The following LRP12 variants were observed in gnomAD, a reference collection of about 807,000 sequenced individuals.
LRP12 encodes low-density lipoprotein receptor-related protein 12.
Under a neutral mutation model 66.0 loss-of-function variants are expected in LRP12, and 14 were observed. The observed-to-expected ratio is 0.21, with a 90% CI of 0.14 to 0.33. The LOEUF (loss-of-function observed/expected upper bound fraction) is 0.33. Ranked by LOEUF, LRP12 falls within the 10% of genes least tolerant of loss-of-function variation. The probability of loss-of-function intolerance (pLI) is 1.00; values close to 1 mark genes in which losing one functional copy is unlikely to be tolerated. For synonymous variants in LRP12, 357 were observed against 359.1 expected, an observed-to-expected ratio of 0.99 and a Z score of 0.07; for missense variants, 889 against 1,053.4, an observed-to-expected ratio of 0.84 and a Z score of 2.16.
At chr8:104,559,118 G>C (rs1304919453) in intron 1 of LRP12, among the ~76,000 whole-genome samples, 1 of 152,140 alleles carries the variant, frequency 6.6e-6, no homozygotes, top group Non-Finnish European at 1.5e-5. Flanking sequence ...TATCTACCCA[G>C]AGGAAAAGAA....
intron 2 of LRP12, among the ~76,000 whole-genome samples, chr8:104,527,463 A>C (rs1217896931): frequency 5.3e-5 from 8 of 151,092 alleles, no homozygotes; most frequent in Admixed American, 1.3e-4. Flanking sequence ...CTGGATTAAG[A>C]AAATGTGGCA....
At chr8:104,498,243 G>C (rs1810769487) in intron 4 of LRP12, among the ~76,000 whole-genome samples, 167 bp from the exon 5 acceptor site, 2 of 152,322 alleles carry the variant, frequency 1.3e-5, no homozygotes, top group African/African-American at 4.8e-5. Flanking sequence ...TTAAGTTCCA[G>C]GGTACATGTG....
intron 1 of LRP12, among the ~76,000 whole-genome samples, chr8:104,549,916 C>T (rs911933806): frequency 6.6e-6 from 1 of 152,126 alleles, no homozygotes; most frequent in Admixed American, 6.5e-5. Flanking sequence ...CTTAGTAAAT[C>T]GCCTCTCTTT....
chr8:104,512,272 G>A (rs113234646), intron 2 of LRP12, among the ~76,000 whole-genome samples: 20 of 152,244 alleles, frequency 1.3e-4, no homozygotes, highest in African/African-American at 4.3e-4. Flanking sequence ...AGCTGAGATC[G>A]TGCCACTGCA....
Position 104,491,120 on chromosome 8 carries a change from C to T in LRP12, c.2133G>A (p.Val711=), listed in dbSNP as rs558486332. The T allele has an allele frequency of 1.2e-6, 2 of 1,614,132 alleles. No individual in the cohort carries two copies. Among genetic ancestry groups the T allele is most frequent in the South Asian group, 2.2e-5 (2 of 91,080 alleles). ...RGGHADNGRD[V]TSVEPPSVSP... Reference sequence around the variant, plus strand: ...TCACACTTGGGGGTTCCACACTTGTCACATCCCTTCCATTATCTGCATGAC... The same window carrying T: ...TCACACTTGGGGGTTCCACACTTGTTACATCCCTTCCATTATCTGCATGAC... Residue 711 remains valine, a synonymous_variant, in exon 7 of 7, where the codon GTG becomes GTA. Transcript: ENST00000276654.
intron 1 of LRP12, among the ~76,000 whole-genome samples, chr8:104,560,422 A>T (rs377760885): frequency 1.3e-5 from 2 of 152,108 alleles, no homozygotes; most frequent in East Asian, 3.9e-4. Flanking sequence ...TTGACAAAGA[A>T]ACCAAGGAAT....
rs1203421362 is a variant in LRP12 at position 104,548,355 on chromosome 8, T to A, written c.80-16392A>T. ...ATTATATAAATATATAAATATATAATATATATTATATAAATATATTATATA... is the reference window on the plus strand; with the variant it reads ...ATTATATAAATATATAAATATATAAAATATATTATATAAATATATTATATA... On this transcript the variant is annotated intron_variant, in intron 1 of 6. Coordinates refer to ENST00000276654, the MANE Select transcript of LRP12 (RefSeq NM_013437.5). 1.2e-3 allele frequency among the ~76,000 whole-genome samples: 70 copies of A among 56,030 alleles called. 1 individual carries two copies. In the East Asian group the frequency reaches 0.035, roughly 28 times the overall value. 36.8% of individuals were successfully genotyped at this position (56,030 alleles called of 152,430 possible).
intron 1 of LRP12, among the ~76,000 whole-genome samples, chr8:104,578,034 A>T (rs935552031): frequency 1.3e-5 from 2 of 152,104 alleles, no homozygotes; most frequent in African/African-American, 4.8e-5. Flanking sequence ...AGTAAAGACA[A>T]GAAATAACCA....
chr8:104,580,954 T>C (rs1048210670), intron 1 of LRP12, among the ~76,000 whole-genome samples: 93 of 152,202 alleles, frequency 6.1e-4, no homozygotes, highest in African/African-American at 1.9e-3. Flanking sequence ...GGAATATAAA[T>C]TGTTCTATTA....
intron 1 of LRP12, among the ~76,000 whole-genome samples, chr8:104,562,968 G>T (rs910018318): frequency 6.6e-6 from 1 of 152,084 alleles, no homozygotes; most frequent in African/African-American, 2.4e-5. Flanking sequence ...ATTTTAAAAG[G>T]TAAATGTATA....
In LRP12 at chr8:104,544,888, T is replaced by G. The variant is rs529938618; in HGVS notation, c.80-12925A>C. Among the ~76,000 whole-genome samples, 5 of 152,286 alleles carry G rather than the reference T, an allele frequency of 3.3e-5. No individual in the cohort carries two copies. The East Asian group carries it at 5.8e-4, about 18-fold the overall frequency. On this transcript the variant is annotated intron_variant, in intron 1 of 6. Coordinates refer to ENST00000276654, the MANE Select transcript of LRP12 (RefSeq NM_013437.5). ...CATGAATCAGGAGTAATTTCAACTT[T>G]CAAGCCTATTATTTAGGAAACACAT...
chr8:104,582,739 G>A (rs61148214), intron 1 of LRP12, among the ~76,000 whole-genome samples: 2,559 of 152,082 alleles, frequency 0.017, 68 homozygotes, highest in African/African-American at 0.058. Flanking sequence ...CATAATATAT[G>A]TGCTTGTATA....
intron 1 of LRP12, among the ~76,000 whole-genome samples, chr8:104,585,763 G>A (rs1812319410): frequency 6.6e-6 from 1 of 152,166 alleles, no homozygotes; most frequent in Non-Finnish European, 1.5e-5. Context: ...TTAAGGGTGG[G>A]TTTGAGTAAA....
chr8:104,554,125 A>T (rs1337231283), intron 1 of LRP12, among the ~76,000 whole-genome samples: 1 of 149,578 alleles, frequency 6.7e-6, no homozygotes, highest in Non-Finnish European at 1.5e-5. Flanking sequence ...TCTGAGCAGC[A>T]GCCCTTGAGC....
At chr8:104,587,970 T>G (rs192091410) in intron 1 of LRP12, among the ~76,000 whole-genome samples, 1 of 152,230 alleles carries the variant, frequency 6.6e-6, no homozygotes, top group Non-Finnish European at 1.5e-5. Context: ...AAGAGATAGA[T>G]GTTCTTTGCA....
intron 1 of LRP12, among the ~76,000 whole-genome samples, chr8:104,571,427 G>T (rs1451271184): frequency 1.3e-5 from 2 of 152,148 alleles, no homozygotes; most frequent in Admixed American, 1.3e-4. Flanking sequence ...GGAGAGATCA[G>T]GTGGAGGTAA....
intron 2 of LRP12, among the ~76,000 whole-genome samples, chr8:104,527,926 T>G (rs537325002): frequency 6.6e-6 from 1 of 152,300 alleles, no homozygotes; most frequent in Non-Finnish European, 1.5e-5. Context: ...AATATTTTAC[T>G]CACCACTTAC....
intron 5 of LRP12, 103 bp from the exon 6 acceptor site, chr8:104,495,312 G>A: frequency 8.5e-7 from 1 of 1,176,706 alleles, no homozygotes; most frequent in East Asian, 2.4e-5. Flanking sequence ...TGGCATATTT[G>A]ATCATTTTAA....
chr8:104,562,931 C>T (rs1409945577), intron 1 of LRP12, among the ~76,000 whole-genome samples: 2 of 152,092 alleles, frequency 1.3e-5, no homozygotes, highest in Non-Finnish European at 2.9e-5. Flanking sequence ...TCTATCAGCA[C>T]CACAAGCAGA....
Sources: allele counts gnomAD v4.1 joint callset (sites outside exome capture counted in the v4.1 genomes callset), GRCh38; gene constraint gnomAD v4.1.1; transcripts MANE v1.5; gene names NCBI Gene and HGNC (gene_info 2026-07-23, HGNC 2026-07-21).